The following RPRD1A variants were observed in gnomAD, a reference collection of about 807,000 sequenced individuals.
The protein encoded by RPRD1A is regulation of nuclear pre-mRNA domain-containing protein 1A.
A neutral mutation model predicts 37.8 loss-of-function variants in RPRD1A; 9 were observed. The observed-to-expected ratio is 0.24, with a 90% CI of 0.14 to 0.42. The LOEUF (loss-of-function observed/expected upper bound fraction) is 0.42. RPRD1A is among the 10% of genes least tolerant of loss of function. The pLI, the probability that RPRD1A is intolerant of heterozygous loss-of-function variation, is 1.00. For missense variants in RPRD1A, 255 were observed against 371.0 expected (o/e 0.69, Z 2.57); for synonymous variants, 138 against 139.7 (o/e 0.99, Z 0.08).
At chr18:36,020,181 C>T (rs184093980) in intron 6 of RPRD1A, among the ~76,000 whole-genome samples, 2 of 152,272 alleles carry the variant, frequency 1.3e-5, no homozygotes, top group Non-Finnish European at 2.9e-5. Flanking sequence ...CAGTACCAGT[C>T]TCCTTAATAT....
intron 6 of RPRD1A, among the ~76,000 whole-genome samples, chr18:35,994,253 T>C (rs545493924): frequency 6.6e-6 from 1 of 152,284 alleles, no homozygotes; most frequent in Non-Finnish European, 1.5e-5. Context: ...TTTCCAAATG[T>C]GGTCACAGGT....
rs1911440455 is a variant in RPRD1A, at chr18:36,027,308, A to G, written c.489T>C (p.Thr163=). 1.2e-6 allele frequency: 2 copies of G among 1,613,496 alleles called. No individual in the cohort carries two copies. Among genetic ancestry groups the G allele is most frequent in the Admixed American group, 1.7e-5 (1 of 59,906 alleles). The change falls in exon 5 of 7, where the codon ACT becomes ACC. Residue 163 remains threonine, a splice_region_variant and synonymous_variant. Coordinates refer to ENST00000399022, the MANE Select transcript of RPRD1A (RefSeq NM_018170.5). ...SLGSPSEPPQ[T]LDLVRALQDL... ...CTTGTAATGCTCTAACGAGATCTAGAGTCTAAAAAGTACACAACTTCAGAA... is the reference window on the plus strand; with the variant it reads ...CTTGTAATGCTCTAACGAGATCTAGGGTCTAAAAAGTACACAACTTCAGAA...
intron 6 of RPRD1A, among the ~76,000 whole-genome samples, chr18:36,008,554 C>T (rs1292627492): frequency 7.2e-5 from 1 of 13,898 alleles, no homozygotes; most frequent in Non-Finnish European, 1.9e-4. Context: ...CTAGCCTGGG[C>T]GACACAGCAA....
At chr18:35,997,807 AC>A (rs367691398) in intron 6 of RPRD1A, among the ~76,000 whole-genome samples, 4 of 152,310 alleles carry the variant, frequency 2.6e-5, no homozygotes, top group Middle Eastern at 3.4e-3. Context: ...TGTAACCAAC[AC>A]CTAGATCAAG....
chr18:36,018,768 T>TGGAAGAAA, intron 6 of RPRD1A, among the ~76,000 whole-genome samples: 1 of 151,902 alleles, frequency 6.6e-6, no homozygotes, highest in African/African-American at 2.4e-5. Flanking sequence ...AGAAAGAATA[T>TGGAAGAAA]GGAAGAAAAA....
At position 36,027,242 on chromosome 18, in the gene RPRD1A, C is replaced by T; in HGVS notation, c.555G>A (p.Gln185=). The part of the protein sequence containing the change: ...NAASGDAAVH[Q]RIASLPVEVQ... The stretch of plus-strand genomic sequence containing the variant: ...CTTCAACAGGTAAAGAAGCTATCCT[C>T]TGATGAACTGCTGCATCACCTGAGG... The change falls in exon 5 of 7, where the codon CAG becomes CAA. Residue 185 remains glutamine (Q), a synonymous_variant. Coordinates refer to ENST00000399022, the MANE Select transcript of RPRD1A (RefSeq NM_018170.5). 6.2e-7 allele frequency: 1 copy of T among 1,613,574 alleles called. No homozygotes were observed. The highest frequency in any genetic ancestry group is 8.5e-7 in the Non-Finnish European group (1 of 1,179,490).
At chr18:36,016,428 G>A (rs766349636) in intron 6 of RPRD1A, among the ~76,000 whole-genome samples, 16 of 152,078 alleles carry the variant, frequency 1.1e-4, no homozygotes, top group Non-Finnish European at 2.1e-4. Context: ...TCTCCATGTT[G>A]GTCAGGCTGG....
At position 36,031,099 on chromosome 18, in the gene RPRD1A, T is replaced by TAAAAAA; in HGVS notation, c.282-8_282-3dup. ...TTCTTACAACTTTCATCAGTTTCAC[T>TAAAAAA]AAAAAAAAAAAAAAAGAAAAAAAGA... On this transcript the variant is annotated splice_polypyrimidine_tract_variant and splice_region_variant and intron_variant, in intron 2 of 6. Coordinates refer to ENST00000399022, the MANE Select transcript of RPRD1A (RefSeq NM_018170.5). 7 of 1,370,738 alleles carry TAAAAAA rather than the reference T, an allele frequency of 5.1e-6. No homozygotes were observed. The highest frequency in any genetic ancestry group is 5.2e-5 in the East Asian group (2 of 38,176). 84.9% of individuals were successfully genotyped at this position (1,370,738 alleles called of 1,614,324 possible).
At chr18:36,067,031 C>G (rs1375447831) in intron 1 of RPRD1A, among the ~76,000 whole-genome samples, 2 of 152,218 alleles carry the variant, frequency 1.3e-5, no homozygotes, top group Non-Finnish European at 2.9e-5. Flanking sequence ...CCGTGTTAAG[C>G]TAACCGGAGT....
At chr18:36,002,923 C>T (rs1165887608) in intron 6 of RPRD1A, among the ~76,000 whole-genome samples, 1 of 152,190 alleles carries the variant, frequency 6.6e-6, no homozygotes, top group African/African-American at 2.4e-5. Context: ...TATTAAATAG[C>T]CCTTACACAT....
At chr18:36,003,490 G>A (rs1909546772) in intron 6 of RPRD1A, among the ~76,000 whole-genome samples, 1 of 152,210 alleles carries the variant, frequency 6.6e-6, no homozygotes, top group African/African-American at 2.4e-5. Context: ...GTTTCACAGT[G>A]ATCTCCATTC....
intron 6 of RPRD1A, among the ~76,000 whole-genome samples, chr18:36,023,049 G>T (rs1911116161): frequency 6.6e-6 from 1 of 152,206 alleles, no homozygotes; most frequent in Non-Finnish European, 1.5e-5. Flanking sequence ...TAGTGTTCAT[G>T]CCTGCTAACA....
At chr18:36,012,870 T>C (rs1432139319) in intron 6 of RPRD1A, among the ~76,000 whole-genome samples, 1 of 152,238 alleles carries the variant, frequency 6.6e-6, no homozygotes, top group East Asian at 1.9e-4. Flanking sequence ...AACAGTATTT[T>C]GCATTTACAT....
intron 2 of RPRD1A, among the ~76,000 whole-genome samples, chr18:36,031,965 C>T (rs536936393): frequency 5.6e-4 from 85 of 152,228 alleles, no homozygotes; most frequent in Non-Finnish European, 1.1e-3. Flanking sequence ...GGTCCTCAAA[C>T]ATGTCCAGCA....
chr18:36,017,807 A>C (rs532772270), intron 6 of RPRD1A, among the ~76,000 whole-genome samples: 1 of 152,308 alleles, frequency 6.6e-6, no homozygotes, highest in South Asian at 2.1e-4. Context: ...CTTTAACGTA[A>C]AAGAATGAAC....
chr18:36,060,484 C>A (rs1211942709), intron 1 of RPRD1A, among the ~76,000 whole-genome samples: 1 of 152,054 alleles, frequency 6.6e-6, no homozygotes, highest in Admixed American at 6.6e-5. Flanking sequence ...TTTTCTAAAA[C>A]CAAATTAATA....
At chr18:36,002,191 A>G in intron 6 of RPRD1A, among the ~76,000 whole-genome samples, 1 of 152,100 alleles carries the variant, frequency 6.6e-6, no homozygotes, top group Non-Finnish European at 1.5e-5. Flanking sequence ...TTTACCTCAA[A>G]TATTTATTTG....
intron 6 of RPRD1A, among the ~76,000 whole-genome samples, chr18:36,024,561 A>G (rs1911230765): frequency 6.6e-6 from 1 of 152,228 alleles, no homozygotes; most frequent in Admixed American, 6.5e-5. Flanking sequence ...TTCATTCATT[A>G]CACATGCTTT....
intron 6 of RPRD1A, among the ~76,000 whole-genome samples, chr18:35,995,762 GACAA>G (rs1269692428): frequency 3.9e-5 from 6 of 152,174 alleles, no homozygotes; most frequent in Non-Finnish European, 8.8e-5. Context: ...GAAGAAACCT[GACAA>G]ACAATACCTA....
Sources: allele counts gnomAD v4.1 joint callset (sites outside exome capture counted in the v4.1 genomes callset), GRCh38; gene constraint gnomAD v4.1.1; transcripts MANE v1.5; gene names NCBI Gene and HGNC (gene_info 2026-07-23, HGNC 2026-07-21).